Variants in KCNQ3 observed in about 807,000 individuals in gnomAD.
KCNQ3 encodes the protein potassium voltage-gated channel subfamily Q member 3.
Under a neutral mutation model 92.5 loss-of-function variants are expected in KCNQ3, and 30 were observed. That is an observed-to-expected ratio of 0.32 (90% CI 0.24 to 0.44). KCNQ3 has a LOEUF of 0.44. Ranked by LOEUF, KCNQ3 falls within the 20% of genes least tolerant of loss-of-function variation. The pLI is 1.00. For missense variants in KCNQ3, 913 were observed against 1,140.3 expected (o/e 0.80, Z 2.87); for synonymous variants, 450 against 468.8 (o/e 0.96, Z 0.52).
chr8:132,271,333 A>G (rs927406111), intron 1 of KCNQ3, among the ~76,000 whole-genome samples: 4 of 152,268 alleles, frequency 2.6e-5, no homozygotes, highest in African/African-American at 9.6e-5. Flanking sequence ...CTAAATGGCC[A>G]TGGGCCAAAA....
intron 1 of KCNQ3, among the ~76,000 whole-genome samples, chr8:132,251,700 T>C (rs1304151169): frequency 6.6e-6 from 1 of 152,198 alleles, no homozygotes; most frequent in African/African-American, 2.4e-5. Flanking sequence ...ATTAATGTTA[T>C]GTATCACTAT....
intron 1 of KCNQ3, among the ~76,000 whole-genome samples, chr8:132,435,179 G>A (rs1247271244): frequency 6.6e-6 from 1 of 152,116 alleles, no homozygotes; most frequent in Non-Finnish European, 1.5e-5. Flanking sequence ...AGGACCTCCT[G>A]GACCCAATGC....
chr8:132,228,476 A>C (rs573143449), intron 1 of KCNQ3, among the ~76,000 whole-genome samples: 11 of 152,310 alleles, frequency 7.2e-5, no homozygotes, highest in African/African-American at 2.2e-4. Context: ...CCTGCTTCCA[A>C]GGAGCTCAAA....
At chr8:132,358,571 G>A (rs72721028) in intron 1 of KCNQ3, among the ~76,000 whole-genome samples, 1,762 of 152,216 alleles carry the variant, frequency 0.012, 16 homozygotes, top group Non-Finnish European at 0.02. Context: ...AAATATATGC[G>A]TTTGATTCAG....
At chr8:132,142,524 A>C (rs1333556231) in intron 9 of KCNQ3, among the ~76,000 whole-genome samples, 1 of 152,118 alleles carries the variant, frequency 6.6e-6, no homozygotes, top group African/African-American at 2.4e-5. Context: ...CCCTTACCCT[A>C]GTGAGCACGA....
At chr8:132,372,398 G>A (rs1819494842) in intron 1 of KCNQ3, among the ~76,000 whole-genome samples, 1 of 152,076 alleles carries the variant, frequency 6.6e-6, no homozygotes, top group Non-Finnish European at 1.5e-5. Flanking sequence ...CTTCTCATCT[G>A]TAAAATGGAC....
At chr8:132,205,024 A>G (rs562017262) in intron 1 of KCNQ3, among the ~76,000 whole-genome samples, 199 of 152,312 alleles carry the variant, frequency 1.3e-3, no homozygotes, top group Middle Eastern at 0.01. Flanking sequence ...CTGATCCTGG[A>G]AGCTTGGACA....
At chr8:132,330,639 T>C (rs910671773) in intron 1 of KCNQ3, among the ~76,000 whole-genome samples, 6 of 152,198 alleles carry the variant, frequency 3.9e-5, no homozygotes, top group African/African-American at 1.4e-4. Flanking sequence ...TTTCAAAATC[T>C]TGAGACCCCA....
Position 132,480,674 on chromosome 8 carries a change from C to A in KCNQ3, c.-142G>T, listed in dbSNP as rs28606540. The A allele has an allele frequency of 0.29, 252,910 of 863,908 alleles. 42,959 individuals are homozygous for A. The highest frequency in any genetic ancestry group is 0.32 in the East Asian group (2,808 of 8,868). 53.5% of individuals were successfully genotyped at this position (863,908 alleles called of 1,614,324 possible). A position where few individuals can be genotyped will look rare whatever the true frequency, so the allele number is the denominator to read the frequency against. On this transcript the variant is annotated 5_prime_UTR_variant, in exon 1 of 15. Coordinates refer to ENST00000388996, the MANE Select transcript of KCNQ3 (RefSeq NM_004519.4). ...ATGATCCGCGCGCCCCTCCCCACCC[C>A]CCCCCAAAAGCAGGCAAAGGCGGGC...
intron 1 of KCNQ3, among the ~76,000 whole-genome samples, chr8:132,357,596 G>A (rs1234823098): frequency 1.3e-5 from 2 of 152,164 alleles, no homozygotes; most frequent in Non-Finnish European, 2.9e-5. Flanking sequence ...GATATGGGAT[G>A]AGCGCAGGAG....
intron 1 of KCNQ3, among the ~76,000 whole-genome samples, chr8:132,364,694 C>CGGACGGACGGAT (rs61064169): frequency 1.6e-3 from 215 of 138,036 alleles, no homozygotes; most frequent in African/African-American, 5.2e-3. Context: ...GACGGACGGA[C>CGGACGGACGGAT]GGATGGATGG....
At chr8:132,455,538 G>A (rs72721089) in intron 1 of KCNQ3, among the ~76,000 whole-genome samples, 1,644 of 152,304 alleles carry the variant, frequency 0.011, 11 homozygotes, top group Non-Finnish European at 0.015. Context: ...AGATTTATTC[G>A]TTTCTTCAGT....
chr8:132,146,461 G>A (rs1825450615), intron 9 of KCNQ3, among the ~76,000 whole-genome samples: 1 of 152,200 alleles, frequency 6.6e-6, no homozygotes, highest in African/African-American at 2.4e-5. Context: ...AAAGTAGAAT[G>A]GTGGTTTCCA....
intron 9 of KCNQ3, among the ~76,000 whole-genome samples, chr8:132,154,193 G>GT (rs869112851): frequency 0.057 from 1,560 of 27,398 alleles, 121 homozygotes; most frequent in East Asian, 0.12. Flanking sequence ...AAGGGTAAAA[G>GT]TTTTTTTTTT....
At chr8:132,383,408 T>A (rs949211922) in intron 1 of KCNQ3, among the ~76,000 whole-genome samples, 2 of 152,056 alleles carry the variant, frequency 1.3e-5, no homozygotes, top group Admixed American at 6.6e-5. Flanking sequence ...CCTGCAGGGA[T>A]CTGGGGCTGG....
chr8:132,364,176 A>G (rs1011493840), intron 1 of KCNQ3, among the ~76,000 whole-genome samples: 5 of 152,194 alleles, frequency 3.3e-5, no homozygotes, highest in Non-Finnish European at 7.3e-5. Flanking sequence ...TTGAATTAAA[A>G]TATTTCAGGG....
chr8:132,447,772 G>A (rs1821721992), intron 1 of KCNQ3, among the ~76,000 whole-genome samples: 1 of 152,148 alleles, frequency 6.6e-6, no homozygotes, highest in Non-Finnish European at 1.5e-5. Context: ...TTTTTAACCT[G>A]CCTTCCTATA....
At chr8:132,303,694 A>ACACAG (rs1220827739) in intron 1 of KCNQ3, among the ~76,000 whole-genome samples, 8 of 135,566 alleles carry the variant, frequency 5.9e-5, no homozygotes, top group African/African-American at 1.9e-4. Flanking sequence ...ACACAGCCAC[A>ACACAG]CCACACACAC....
intron 1 of KCNQ3, among the ~76,000 whole-genome samples, chr8:132,225,056 A>G (rs1327055630): frequency 6.6e-6 from 1 of 152,210 alleles, no homozygotes; most frequent in Non-Finnish European, 1.5e-5. Flanking sequence ...GACAGAATAG[A>G]CCCACCAGTT....
Sources: gnomAD v4.1 joint callset for allele counts (sites outside exome capture counted in the v4.1 genomes callset) on GRCh38, gnomAD v4.1.1 for gene constraint, MANE v1.5 for transcripts, NCBI Gene and HGNC (gene_info 2026-07-23, HGNC 2026-07-21) for gene names.